Variants in BLNK observed in about 807,000 individuals in gnomAD.
BLNK encodes B cell linker, also known as B-cell linker protein.
Under a neutral mutation model 73.5 loss-of-function variants are expected in BLNK, and 29 were observed. The ratio of observed to expected loss-of-function variants is 0.39; its 90% confidence interval spans 0.29 to 0.54. The LOEUF is 0.54. Ranked by LOEUF, BLNK falls within the 20% of genes least tolerant of loss-of-function variation. BLNK has a pLI of 0.61. For synonymous variants in BLNK, 176 were observed against 200.8 expected (o/e 0.88, Z 1.04); for missense variants, 460 against 562.8 (o/e 0.82, Z 1.85).
intron 6 of BLNK, among the ~76,000 whole-genome samples, chr10:96,219,986 C>T (rs2084157410): frequency 6.6e-6 from 1 of 152,182 alleles, no homozygotes; most frequent in South Asian, 2.1e-4. Flanking sequence ...CAGTAAGGAG[C>T]AGACAAGATG....
chr10:96,269,362 G>C (rs549645825), intron 1 of BLNK, among the ~76,000 whole-genome samples: 1 of 148,906 alleles, frequency 6.7e-6, no homozygotes, highest in Non-Finnish European at 1.5e-5. Context: ...TTCCCACCTG[G>C]ATTCCCTGAA....
chr10:96,205,280 A>C (rs1591304854), intron 11 of BLNK: 1 of 153,728 alleles, frequency 6.5e-6, no homozygotes, highest in Non-Finnish European at 1.4e-5. Context: ...ATGTGATCAC[A>C]CATTATTTTA....
chr10:96,271,346 T>C lies in BLNK; in HGVS notation c.47+6A>G. On this transcript the variant is annotated splice_donor_region_variant and intron_variant, in intron 1 of 16. Transcript: ENST00000224337. ...GAAGAAGGGTATTGGGTGGGGAAAA[T>C]CTTACCTCAACTTCTGACTGGCGGG... The C allele has an allele frequency of 6.2e-7, 1 of 1,614,026 alleles. No individual in the cohort carries two copies. Among genetic ancestry groups the C allele is most frequent in the South Asian group, 1.1e-5 (1 of 91,078 alleles).
rs1382983098 is a variant in BLNK at position 96,251,037 on chromosome 10, C to T, written c.48-3988G>A. Among the ~76,000 whole-genome samples, 10 of 152,298 alleles carry T rather than the reference C, an allele frequency of 6.6e-5. No individual in the cohort carries two copies. In the East Asian group the frequency reaches 1.9e-3, roughly 29 times the overall value. On this transcript the variant is annotated intron_variant, in intron 1 of 16. Coordinates refer to ENST00000224337, the MANE Select transcript of BLNK (RefSeq NM_013314.4). ...ATCATTTCTTTGTGCTGAACACATTCCAAATCTTTTCGTCTAGCTATTTTG... is the reference window on the plus strand; with the variant it reads ...ATCATTTCTTTGTGCTGAACACATTTCAAATCTTTTCGTCTAGCTATTTTG...
chr10:96,198,225 A>G (rs2083525710), intron 15 of BLNK, among the ~76,000 whole-genome samples: 1 of 152,124 alleles, frequency 6.6e-6, no homozygotes, highest in Non-Finnish European at 1.5e-5. Flanking sequence ...AGAAAATGGG[A>G]TTTAATAAAA....
At chr10:96,199,981 T>G (rs1413260677) in intron 15 of BLNK, 94 bp downstream of exon 15, 1 of 881,188 alleles carries the variant, frequency 1.1e-6, no homozygotes, top group Non-Finnish European at 1.5e-6. Context: ...TGAGCTGAGA[T>G]CGAGCCACTG....
At chr10:96,231,921 C>T (rs142740559) in intron 3 of BLNK, among the ~76,000 whole-genome samples, 1,596 of 152,286 alleles carry the variant, frequency 0.01, 28 homozygotes, top group African/African-American at 0.037. Flanking sequence ...GAGGTGCCGT[C>T]CTGGGCTCTG....
chr10:96,253,878 G>A (rs1427221285), intron 1 of BLNK, among the ~76,000 whole-genome samples: 1 of 151,792 alleles, frequency 6.6e-6, no homozygotes, highest in Non-Finnish European at 1.5e-5. Flanking sequence ...AAAATTAGCC[G>A]GGCATGGTGG....
chr10:96,209,803 G>T, intron 9 of BLNK, 35 bp downstream of exon 9: 1 of 1,613,480 alleles, frequency 6.2e-7, no homozygotes. Context: ...TCACTCCCCA[G>T]ATCTCAAAAG....
At chr10:96,228,051 G>A (rs1842344078) in intron 4 of BLNK, among the ~76,000 whole-genome samples, 1 of 151,652 alleles carries the variant, frequency 6.6e-6, no homozygotes, top group South Asian at 2.1e-4. Context: ...GTAAGCTGCA[G>A]GGTCAAGGCT....
At chr10:96,244,935 G>C (rs1365566199) in intron 2 of BLNK, among the ~76,000 whole-genome samples, 2 of 152,018 alleles carry the variant, frequency 1.3e-5, no homozygotes, top group African/African-American at 4.8e-5. Flanking sequence ...TTTATGCAGA[G>C]GCTTCATGTT....
intron 3 of BLNK, among the ~76,000 whole-genome samples, chr10:96,242,027 TA>T (rs1327138754): frequency 1.3e-5 from 2 of 152,130 alleles, no homozygotes; most frequent in African/African-American, 4.8e-5. Flanking sequence ...GGCCTATAAT[TA>T]CTTTTAACAT....
At chr10:96,223,275 A>G (rs1358451330) in intron 6 of BLNK, among the ~76,000 whole-genome samples, 1 of 152,164 alleles carries the variant, frequency 6.6e-6, no homozygotes, top group African/African-American at 2.4e-5. Context: ...GGGAGAAGGG[A>G]CAAAAGACCC....
At chr10:96,242,641 T>G in intron 3 of BLNK, 94 bp downstream of exon 3, 1 of 1,198,322 alleles carries the variant, frequency 8.3e-7, no homozygotes, top group Non-Finnish European at 1.2e-6. Context: ...TGTTTTCAAA[T>G]GAGGATAGCG....
Position 96,189,732 on chromosome 10 carries a change from A to ATCT in BLNK, c.*2238_*2240dup. ...CATCATCATCATCATCATCATCATC[A>ATCT]TCTTCATCAGCAGCAAGTTTTACTT... is the stretch of plus-strand genomic sequence containing the variant. On this transcript the variant is annotated 3_prime_UTR_variant, in exon 17 of 17. Coordinates refer to ENST00000224337, the MANE Select transcript of BLNK (RefSeq NM_013314.4). 1 of 721,376 alleles carries ATCT rather than the reference A, an allele frequency of 1.4e-6. No homozygotes were observed. The highest frequency in any genetic ancestry group is 2.5e-6 in the Non-Finnish European group (1 of 394,026). The allele number at this position is 721,376 out of a possible 1,614,324, so 44.7% of individuals were successfully genotyped here.
rs3835127 is a variant in BLNK at position 96,215,411 on chromosome 10, GTATA to G, written c.608-26_608-23del. 0.043 allele frequency: 55,574 copies of G among 1,297,680 alleles called. No homozygotes were observed. Among genetic ancestry groups the G allele is most frequent in the Middle Eastern group, 0.05 (183 of 3,674 alleles). 80.4% of individuals were successfully genotyped at this position (1,297,680 alleles called of 1,614,324 possible). A position where few individuals can be genotyped will look rare whatever the true frequency, so the allele number is the denominator to read the frequency against. The stretch of plus-strand genomic sequence containing the variant: ...GGAGCTTAAACACAGAAATGTGTGT[GTATA>G]TATATATATATATATACATAAAACC... On this transcript the variant is annotated intron_variant, in intron 7 of 16. Coordinates refer to ENST00000224337, the MANE Select transcript of BLNK (RefSeq NM_013314.4).
At chr10:96,210,895 G>A (rs1364126000) in intron 8 of BLNK, among the ~76,000 whole-genome samples, 12 of 143,792 alleles carry the variant, frequency 8.3e-5, no homozygotes, top group African/African-American at 2.1e-4. Context: ...TTGAGACAGG[G>A]TCTTGTTCTG....
intron 10 of BLNK, 30 bp from the exon 11 acceptor site, chr10:96,207,083 T>G: frequency 6.3e-7 from 1 of 1,584,840 alleles, no homozygotes; most frequent in Non-Finnish European, 8.7e-7. Flanking sequence ...GCAAGGTTAT[T>G]CAATATAGCA....
intron 1 of BLNK, among the ~76,000 whole-genome samples, chr10:96,265,545 A>G (rs906081383): frequency 3.0e-4 from 46 of 152,134 alleles, no homozygotes; most frequent in Admixed American, 2.9e-3. Flanking sequence ...GTTTGACACA[A>G]CTTTTAAAAA....
Sources: allele counts gnomAD v4.1 joint callset (sites outside exome capture counted in the v4.1 genomes callset), GRCh38; gene constraint gnomAD v4.1.1; transcripts MANE v1.5; gene names NCBI Gene and HGNC (gene_info 2026-07-23, HGNC 2026-07-21).